Variants in PHLPP2 observed in about 807,000 individuals in gnomAD.
The protein encoded by PHLPP2 is PH domain leucine-rich repeat-containing protein phosphatase 2.
PHLPP2 carries 66 observed loss-of-function variants against 124.9 expected under a neutral mutation model. That is an observed-to-expected ratio of 0.53 (90% CI 0.43 to 0.65). The LOEUF (loss-of-function observed/expected upper bound fraction) is 0.65. PHLPP2 is among the 30% of genes least tolerant of loss of function. The pLI is 0.00. For synonymous variants in PHLPP2, 681 were observed against 624.7 expected (o/e 1.09, Z -1.34); for missense variants, 1,685 against 1,600.4 (o/e 1.05, Z -0.90).
At chr16:71,721,834 A>G (rs2045400475) in intron 1 of PHLPP2, among the ~76,000 whole-genome samples, 1 of 152,234 alleles carries the variant, frequency 6.6e-6, no homozygotes, top group Admixed American at 6.5e-5. Context: ...GCAATTCGCT[A>G]AATAAATCTG....
At chr16:71,653,748 TCCCTTTCC>T (rs1459787494) in intron 17 of PHLPP2, among the ~76,000 whole-genome samples, 1 of 152,204 alleles carries the variant, frequency 6.6e-6, no homozygotes, top group African/African-American at 2.4e-5. Context: ...TAAATGGAGT[TCCCTTTCC>T]TAAACCCTTT....
intron 9 of PHLPP2, among the ~76,000 whole-genome samples, chr16:71,674,173 G>T (rs984878598): frequency 6.6e-5 from 10 of 151,790 alleles, no homozygotes; most frequent in Non-Finnish European, 7.4e-5. Flanking sequence ...CACCTCCGGG[G>T]TTCAAGCAAT....
At chr16:71,683,171 A>G (rs1426491713) in intron 5 of PHLPP2, among the ~76,000 whole-genome samples, 1 of 149,274 alleles carries the variant, frequency 6.7e-6, no homozygotes, top group Non-Finnish European at 1.5e-5. Context: ...TCTGTCTCCA[A>G]AAAAAAAAAG....
intron 15 of PHLPP2, among the ~76,000 whole-genome samples, chr16:71,657,133 G>A: frequency 6.6e-6 from 1 of 152,008 alleles, no homozygotes; most frequent in East Asian, 1.9e-4. Flanking sequence ...AGTAGAGACG[G>A]GGTTTCACCA....
intron 18 of PHLPP2, 146 bp from the exon 19 acceptor site, chr16:71,650,190 C>T: frequency 1.6e-6 from 1 of 628,368 alleles, no homozygotes. Flanking sequence ...AATGGATGCA[C>T]ACAAATAAAT....
rs1597013789 is a variant in PHLPP2, at chr16:71,702,707, A to T, written c.309T>A (p.Pro103=). ...LVRRLEPTER[P]LQIVYDYLSR... is the part of the protein sequence containing the mutation. The stretch of plus-strand genomic sequence containing the variant: ...ATAAGTAATCATAAACGATCTGAAG[A>T]GGTCGTTCAGTAGGTTCCAGTCTCC... The change falls in exon 3 of 19, where the codon CCT becomes CCA. Residue 103 remains proline (P), a synonymous_variant. Transcript: ENST00000568954. The T allele has an allele frequency of 6.2e-7, 1 of 1,608,718 alleles. No homozygotes were observed. The highest frequency in any genetic ancestry group is 1.1e-5 in the South Asian group (1 of 90,434).
rs976769586 is a variant in PHLPP2 at position 71,645,119 on chromosome 16, C to T, written c.*3771G>A. The T allele has an allele frequency of 4.3e-5, 9 of 207,938 alleles. No homozygotes were observed. The highest frequency in any genetic ancestry group is 7.8e-5 in the Non-Finnish European group (8 of 102,268). The allele number at this position is 207,938 out of a possible 1,614,324, so 12.9% of individuals were successfully genotyped here. A position where few individuals can be genotyped will look rare whatever the true frequency, so the allele number is the denominator to read the frequency against. ...CAATACGACAATGATTGCACAAAAC[C>T]GTAAGATATGAGCCCACTGTCTGGA... is the stretch of plus-strand genomic sequence containing the variant. On this transcript the variant is annotated 3_prime_UTR_variant, in exon 19 of 19. Coordinates refer to ENST00000568954, the MANE Select transcript of PHLPP2 (RefSeq NM_015020.3).
intron 6 of PHLPP2, among the ~76,000 whole-genome samples, chr16:71,679,940 G>A (rs143603531): frequency 5.9e-4 from 89 of 152,122 alleles, no homozygotes; most frequent in African/African-American, 1.7e-3. Flanking sequence ...AAAATTAGCC[G>A]GGCGTGGTGG....
At chr16:71,694,409 C>T (rs12448226) in intron 3 of PHLPP2, among the ~76,000 whole-genome samples, 58,592 of 151,424 alleles carry the variant, frequency 0.39, 12,019 homozygotes, top group East Asian at 0.76. Flanking sequence ...TGCAGTGAGC[C>T]GAGATCATGC....
intron 4 of PHLPP2, among the ~76,000 whole-genome samples, chr16:71,685,981 C>T (rs1416260551): frequency 6.6e-6 from 1 of 152,012 alleles, no homozygotes; most frequent in Non-Finnish European, 1.5e-5. Context: ...TATTAAAGTC[C>T]TTTTGGCCCA....
chr16:71,721,086 C>G (rs943162508), intron 1 of PHLPP2, among the ~76,000 whole-genome samples: 2 of 143,182 alleles, frequency 1.4e-5, no homozygotes, highest in Non-Finnish European at 3.1e-5. Flanking sequence ...GTAATCCCAG[C>G]ACTTTGGGAT....
chr16:71,683,868 G>A (rs947288956), intron 5 of PHLPP2, among the ~76,000 whole-genome samples: 1 of 151,952 alleles, frequency 6.6e-6, no homozygotes, highest in African/African-American at 2.4e-5. Context: ...TTGGCTCACT[G>A]CAATCTCCGC....
At chr16:71,679,951 C>G (rs1203993302) in intron 6 of PHLPP2, among the ~76,000 whole-genome samples, 1 of 152,032 alleles carries the variant, frequency 6.6e-6, no homozygotes, top group Non-Finnish European at 1.5e-5. Flanking sequence ...GGCGTGGTGG[C>G]AGACACCTGT....
intron 9 of PHLPP2, among the ~76,000 whole-genome samples, chr16:71,674,125 T>A (rs998614688): frequency 4.0e-5 from 6 of 151,518 alleles, no homozygotes; most frequent in Non-Finnish European, 8.8e-5. Flanking sequence ...TTGCCCAAGC[T>A]GGAGTGTAAT....
At chr16:71,722,460 C>T (rs941055876) in intron 1 of PHLPP2, among the ~76,000 whole-genome samples, 3 of 151,944 alleles carry the variant, frequency 2.0e-5, no homozygotes, top group Non-Finnish European at 2.9e-5. Flanking sequence ...AACTGAGAGG[C>T]AGTAGCACAA....
Position 71,678,844 on chromosome 16 carries a change from T to C in PHLPP2, c.1179A>G (p.Leu393=). 2 of 1,612,082 alleles carry C rather than the reference T, an allele frequency of 1.2e-6. No individual in the cohort carries two copies. Among genetic ancestry groups the C allele is most frequent in the Non-Finnish European group, 1.7e-6 (2 of 1,178,200 alleles). The stretch of plus-strand genomic sequence containing the variant: ...AATTTCCTGCCATAACCACTCTATC[T>C]AACATAGTGAGTTTCTCATAAACCT... The part of the protein sequence containing the change: ...IPEVYEKLTM[L]DRVVMAGNCL... The change falls in exon 8 of 19, where the codon TTA becomes TTG. Residue 393 remains leucine (L), a synonymous_variant. Transcript: ENST00000568954.
chr16:71,693,626 A>C (rs757336033), intron 3 of PHLPP2, among the ~76,000 whole-genome samples: 1 of 152,192 alleles, frequency 6.6e-6, no homozygotes, highest in Non-Finnish European at 1.5e-5. Context: ...CATCTGCCAA[A>C]TGACGGCTAA....
chr16:71,653,373 G>A (rs946536938), intron 17 of PHLPP2, among the ~76,000 whole-genome samples: 6 of 152,096 alleles, frequency 3.9e-5, no homozygotes, highest in Non-Finnish European at 8.8e-5. Context: ...TGGGCCCTAG[G>A]CCCAGAGTTT....
intron 5 of PHLPP2, among the ~76,000 whole-genome samples, chr16:71,683,708 T>C (rs2045025368): frequency 6.6e-6 from 1 of 152,216 alleles, no homozygotes; most frequent in Admixed American, 6.5e-5. Context: ...ATGATTTTAC[T>C]CATTATATAC....
Sources: allele counts gnomAD v4.1 joint callset (sites outside exome capture counted in the v4.1 genomes callset), GRCh38; gene constraint gnomAD v4.1.1; transcripts MANE v1.5; gene names NCBI Gene and HGNC (gene_info 2026-07-23, HGNC 2026-07-21).